The following NRCAM variants were observed in gnomAD, a reference collection of about 807,000 sequenced individuals.
The protein encoded by NRCAM is NgCAM-related cell adhesion molecule.
In NRCAM, 83 loss-of-function variants were observed where a neutral mutation model predicts 156.5. The observed-to-expected ratio is 0.53, with a 90% CI of 0.44 to 0.64. The LOEUF (loss-of-function observed/expected upper bound fraction) is 0.64, where lower values mean the gene tolerates loss of function less well. NRCAM is among the 30% of genes least tolerant of loss of function. NRCAM has a pLI of 0.00. For synonymous variants in NRCAM, 538 were observed against 563.9 expected (o/e 0.95, Z 0.65); for missense variants, 1,417 against 1,597.3 (o/e 0.89, Z 1.92).
intron 22 of NRCAM, among the ~76,000 whole-genome samples, chr7:108,183,844 T>C (rs1250096599): frequency 6.6e-6 from 1 of 152,268 alleles, no homozygotes; most frequent in East Asian, 1.9e-4. Context: ...TGGTTCTTTA[T>C]GATAACACTA....
chr7:108,228,803 A>T (rs2093883156), intron 8 of NRCAM, among the ~76,000 whole-genome samples: 1 of 152,194 alleles, frequency 6.6e-6, no homozygotes, highest in Non-Finnish European at 1.5e-5. Context: ...TAAAGCCATA[A>T]GTCACTTATT....
intron 2 of NRCAM, among the ~76,000 whole-genome samples, chr7:108,368,863 C>G (rs2099610898): frequency 6.6e-6 from 1 of 152,124 alleles, no homozygotes; most frequent in African/African-American, 2.4e-5. Flanking sequence ...GGCAACTAAT[C>G]ATACAAACTT....
chr7:108,455,678 G>A (rs1207787723), intron 1 of NRCAM, among the ~76,000 whole-genome samples: 1 of 152,202 alleles, frequency 6.6e-6, no homozygotes, highest in Non-Finnish European at 1.5e-5. Context: ...TCCGTGGTCA[G>A]CACAGGTGTA....
chr7:108,303,289 G>C (rs1463701350), intron 3 of NRCAM, among the ~76,000 whole-genome samples: 1 of 152,072 alleles, frequency 6.6e-6, no homozygotes, highest in East Asian at 1.9e-4. Flanking sequence ...ACTCTGGTCA[G>C]TATCACCACC....
intron 3 of NRCAM, among the ~76,000 whole-genome samples, chr7:108,276,070 C>G (rs2097588147): frequency 6.6e-6 from 1 of 152,142 alleles, no homozygotes; most frequent in Non-Finnish European, 1.5e-5. Flanking sequence ...ATCCCGAGTT[C>G]TAATTTGATT....
At chr7:108,326,874 T>A (rs923220079) in intron 2 of NRCAM, among the ~76,000 whole-genome samples, 1 of 152,110 alleles carries the variant, frequency 6.6e-6, no homozygotes, top group African/African-American at 2.4e-5. Flanking sequence ...CCCTGAGGGA[T>A]AAAAACCTTT....
At chr7:108,291,906 A>G (rs1230071773) in intron 3 of NRCAM, among the ~76,000 whole-genome samples, 1 of 152,176 alleles carries the variant, frequency 6.6e-6, no homozygotes, top group Non-Finnish European at 1.5e-5. Context: ...CTTTGTTTCC[A>G]ATTAGTTTAG....
chr7:108,373,481 CCTTA>C (rs1241037689), intron 2 of NRCAM, among the ~76,000 whole-genome samples: 5 of 152,140 alleles, frequency 3.3e-5, no homozygotes, highest in African/African-American at 1.2e-4. Context: ...GCTACAGCTA[CCTTA>C]CTTTCAATTT....
At chr7:108,294,822 A>G (rs930882297) in intron 3 of NRCAM, among the ~76,000 whole-genome samples, 3 of 151,962 alleles carry the variant, frequency 2.0e-5, no homozygotes, top group Admixed American at 6.6e-5. Context: ...TTTTTTGGAC[A>G]TGCTTAGTTT....
chr7:108,250,925 A>C (rs1011432786), intron 3 of NRCAM, among the ~76,000 whole-genome samples: 1 of 152,210 alleles, frequency 6.6e-6, no homozygotes, highest in African/African-American at 2.4e-5. Context: ...AAATTTTTAA[A>C]GTTTTTTAAA....
At chr7:108,222,581 G>C (rs756717649) in intron 11 of NRCAM, among the ~76,000 whole-genome samples, 32 of 152,092 alleles carry the variant, frequency 2.1e-4, no homozygotes, top group Non-Finnish European at 1.0e-4. Context: ...AGAAGATATA[G>C]GGTTTTAACA....
intron 2 of NRCAM, among the ~76,000 whole-genome samples, chr7:108,336,267 A>T (rs953137765): frequency 6.6e-6 from 1 of 152,184 alleles, no homozygotes; most frequent in African/African-American, 2.4e-5. Context: ...ATCCAATTTG[A>T]TGCTTTTTCT....
intron 5 of NRCAM, 54 bp from the exon 6 acceptor site, chr7:108,234,742 A>G: frequency 8.1e-7 from 1 of 1,235,316 alleles, no homozygotes; most frequent in Non-Finnish European, 1.2e-6. Flanking sequence ...AAATCATAAT[A>G]GTAGCCATTT....
chr7:108,440,631 C>T (rs1355508397), intron 1 of NRCAM, among the ~76,000 whole-genome samples: 1 of 152,184 alleles, frequency 6.6e-6, no homozygotes, highest in Non-Finnish European at 1.5e-5. Context: ...CTAAAGGTAA[C>T]TCTACTGATT....
intron 1 of NRCAM, among the ~76,000 whole-genome samples, chr7:108,405,495 C>A (rs529400032): frequency 1.3e-5 from 2 of 152,160 alleles, no homozygotes; most frequent in Non-Finnish European, 2.9e-5. Context: ...CAATTTCATA[C>A]GTGGACATAT....
chr7:108,147,897 T>C lies in NRCAM; in HGVS notation c.*2013A>G, dbSNP rs1250316118. 2.0e-5 allele frequency: 3 copies of C among 152,686 alleles called. No homozygotes were observed. Among genetic ancestry groups the C allele is most frequent in the Non-Finnish European group, 2.9e-5 (2 of 68,048 alleles). The allele number at this position is 152,686 out of a possible 1,614,324, so 9.5% of individuals were successfully genotyped here. On this transcript the variant is annotated 3_prime_UTR_variant, in exon 33 of 33. Transcript: ENST00000379028. ...TGGAAGAGGAAAAAATGTAGTTTTA[T>C]TGTTCTCCCAAAATATTGGCAAATT...
chr7:108,173,736 T>C (rs1299796625), intron 28 of NRCAM, among the ~76,000 whole-genome samples: 1 of 152,228 alleles, frequency 6.6e-6, no homozygotes, highest in African/African-American at 2.4e-5. Context: ...GGGGGCTTAA[T>C]GAACTTTCAG....
chr7:108,197,776 T>G (rs932857232), intron 14 of NRCAM, among the ~76,000 whole-genome samples, 180 bp downstream of exon 14: 1 of 152,220 alleles, frequency 6.6e-6, no homozygotes. Context: ...AACTGTGTTA[T>G]GGAAGAACAT....
At chr7:108,152,061 C>A (rs2041975010) in intron 32 of NRCAM, among the ~76,000 whole-genome samples, 1 of 152,086 alleles carries the variant, frequency 6.6e-6, no homozygotes, top group African/African-American at 2.4e-5. Flanking sequence ...CAGACTAAAA[C>A]CCTCACCTCA....
Sources: allele counts gnomAD v4.1 joint callset (sites outside exome capture counted in the v4.1 genomes callset), GRCh38; gene constraint gnomAD v4.1.1; transcripts MANE v1.5; gene names NCBI Gene and HGNC (gene_info 2026-07-23, HGNC 2026-07-21).